The following LAX1 variants were observed in gnomAD, a reference collection of about 807,000 sequenced individuals.
LAX1 encodes lymphocyte transmembrane adapter 1.
Under a neutral mutation model 20.7 loss-of-function variants are expected in LAX1, and 17 were observed. That is an observed-to-expected ratio of 0.82 (90% CI 0.56 to 1.23). LAX1 has a LOEUF of 1.23. LAX1 is among the 50% of genes most tolerant of loss of function. The pLI, the probability that LAX1 is intolerant of heterozygous loss-of-function variation, is 0.00. For synonymous variants in LAX1, 165 were observed against 181.0 expected (o/e 0.91, Z 0.71); for missense variants, 470 against 487.0 (o/e 0.97, Z 0.33).
chr1:203,771,058 C>T (rs1428225979), intron 2 of LAX1, 121 bp downstream of exon 2: 9 of 800,736 alleles, frequency 1.1e-5, no homozygotes, highest in South Asian at 3.2e-5. Flanking sequence ...AGTTCTTACC[C>T]GATACATTGG....
rs1169898463 is a variant in LAX1, at chr1:203,771,449, C to A, written c.282C>A (p.Asp94Glu). ...GACAAAGAGCCAAAAATATTTATGACATCTTGCCTTGGCGACAGGAAGACC... is the reference window on the plus strand; with the variant it reads ...GACAAAGAGCCAAAAATATTTATGAAATCTTGCCTTGGCGACAGGAAGACC... ...QTRQRAKNIYDILPWRQEDLG... is the reference protein window; with the variant it reads ...QTRQRAKNIYEILPWRQEDLG... Residue 94 changes from aspartate to glutamate, a missense_variant, in exon 3 of 5, where the codon GAC (aspartate) becomes GAA (glutamate). Coordinates refer to ENST00000442561, the MANE Select transcript of LAX1 (RefSeq NM_017773.4). The A allele has an allele frequency of 1.2e-6, 2 of 1,612,440 alleles. No homozygotes were observed. Among genetic ancestry groups the A allele is most frequent in the Admixed American group, 3.3e-5 (2 of 59,998 alleles).
rs10714327 is a variant in LAX1, at chr1:203,773,756, CTTTTTTTTTTTTTTTTT to C, written c.391-107_391-91del. 7.5e-5 allele frequency: 15 copies of C among 200,670 alleles called. 2 individuals carry two copies. Among genetic ancestry groups the C allele is most frequent in the South Asian group, 3.1e-4 (9 of 29,268 alleles). 12.4% of individuals were successfully genotyped at this position (200,670 alleles called of 1,614,324 possible). A position where few individuals can be genotyped will look rare whatever the true frequency, so the allele number is the denominator to read the frequency against. ...TCATCACATTTGCACTGTTGCTCTTCTTTTTTTTTTTTTTTTTTTTTTTTTTTTCAGAATATGCCAGT... is the reference window on the plus strand; with the variant it reads ...TCATCACATTTGCACTGTTGCTCTTCTTTTTTTTTTTCAGAATATGCCAGT... On this transcript the variant is annotated intron_variant, in intron 4 of 4. Coordinates refer to ENST00000442561, the MANE Select transcript of LAX1 (RefSeq NM_017773.4).
At chr1:203,773,751 C>T in intron 4 of LAX1, 124 bp from the exon 5 acceptor site, 1 of 399,708 alleles carries the variant, frequency 2.5e-6, no homozygotes, top group Non-Finnish European at 4.1e-6. Context: ...TGCACTGTTG[C>T]TCTTCTTTTT....
Position 203,765,593 on chromosome 1 carries a change from ACAAT to A in LAX1, c.31_34del (p.Ile11GlufsTer12). 6.2e-7 allele frequency: 1 copy of A among 1,614,164 alleles called. No individual in the cohort carries two copies. The highest frequency in any genetic ancestry group is 8.5e-7 in the Non-Finnish European group (1 of 1,180,020). On this transcript the variant is annotated frameshift_variant, in exon 1 of 5. Transcript: ENST00000442561. LOFTEE classifies it high-confidence loss of function. Reference sequence around the variant, plus strand: ...GGATGGTGTCACTCCAACCCTTTCGACAATCAGAGGGAGGACCTTGGAGTCCAGC... The same window carrying A: ...GGATGGTGTCACTCCAACCCTTTCGACAGAGGGAGGACCTTGGAGTCCAGC...
chr1:203,770,510 G>GAAAGAAAGA (rs1317078482), intron 1 of LAX1, among the ~76,000 whole-genome samples: 2 of 16,926 alleles, frequency 1.2e-4, no homozygotes, highest in African/African-American at 4.1e-4. Context: ...AGGAAGGAAG[G>GAAAGAAAGA]AAGAAAGAAA....
rs369834682 is a variant in LAX1 at position 203,773,936 on chromosome 1, C to A, written c.452C>A (p.Ala151Glu). The stretch of plus-strand genomic sequence containing the variant: ...GCCCACATCCATGCCACAGAGTACG[C>A]GGTGGGTATCTATGACAACGCCATG... ...HTAHIHATEY[A>E]VGIYDNAMVP... is the part of the protein sequence containing the mutation. Residue 151 changes from alanine (A) to glutamate (E), a missense_variant, in exon 5 of 5, where the codon GCG (alanine) becomes GAG (glutamate). Transcript: ENST00000442561. 3.7e-6 allele frequency: 6 copies of A among 1,613,772 alleles called. No individual in the cohort carries two copies. Among genetic ancestry groups the A allele is most frequent in the Non-Finnish European group, 5.1e-6 (6 of 1,179,972 alleles).
At position 203,770,901 on chromosome 1, in the gene LAX1, T is replaced by C; in HGVS notation, c.163T>C (p.Phe55Leu). ...CGCCATCCTCCTGGTCGTTGCGGTT[T>C]TCTGCATCTTGTGGAATTGGAATAA... ...LLAILLVVAV[F>L]CILWNWNKRK... The change falls in exon 2 of 5, where the codon TTC becomes CTC. Residue 55 changes from phenylalanine to leucine, a missense_variant. By Grantham distance (22) the Phe-to-Leu change is conservative. Coordinates refer to ENST00000442561, the MANE Select transcript of LAX1 (RefSeq NM_017773.4). 1.2e-6 allele frequency: 2 copies of C among 1,614,236 alleles called. No individual in the cohort carries two copies. Among genetic ancestry groups the C allele is most frequent in the Non-Finnish European group, 1.7e-6 (2 of 1,180,020 alleles).
chr1:203,771,372 G>C lies in LAX1; in HGVS notation c.205G>C (p.Val69Leu). The C allele has an allele frequency of 6.2e-7, 1 of 1,610,004 alleles. No homozygotes were observed. Among genetic ancestry groups the C allele is most frequent in the Non-Finnish European group, 8.5e-7 (1 of 1,176,182 alleles). The change falls in exon 3 of 5, where the codon GTT (valine) becomes CTT (leucine). Residue 69 changes from valine to leucine, a missense_variant. Physicochemically the swap from Val to Leu is conservative, Grantham distance 32. Transcript: ENST00000442561. The stretch of plus-strand genomic sequence containing the variant: ...TCTCTCTCATTGCCTTGCAGGACAA[G>C]TTCCTTACCTCCGAGTTACCGTCAT... ...WNWNKRKKRQ[V>L]PYLRVTVMPL... is the part of the protein sequence containing the mutation.
intron 1 of LAX1, among the ~76,000 whole-genome samples, chr1:203,769,456 A>C (rs1233377455): frequency 1.9e-5 from 2 of 107,228 alleles, no homozygotes; most frequent in Non-Finnish European, 4.7e-5. Context: ...AAAGAAAGAA[A>C]AGAAAAGAAA....
chr1:203,768,378 G>T (rs1389336433), intron 1 of LAX1, among the ~76,000 whole-genome samples: 1 of 152,204 alleles, frequency 6.6e-6, no homozygotes, highest in Non-Finnish European at 1.5e-5. Context: ...CAAGGGGACT[G>T]CAAGTAATAG....
Position 203,769,953 on chromosome 1 carries a change from G to T in LAX1, c.90-875G>T, listed in dbSNP as rs1667376151. 2.0e-5 allele frequency among the ~76,000 whole-genome samples: 3 copies of T among 152,274 alleles called. No homozygotes were observed. In the South Asian group the frequency reaches 6.2e-4, roughly 32 times the overall value. The stretch of plus-strand genomic sequence containing the variant: ...TGACTTTGACTTTGCAGGTTTGGAG[G>T]ACAGTGTGGCAGAGTGGAAAGAGCA... On this transcript the variant is annotated intron_variant, in intron 1 of 4. Transcript: ENST00000442561.
rs1442961381 is a variant in LAX1 at position 203,774,122 on chromosome 1, C to G, written c.638C>G (p.Ser213Cys). Residue 213 changes from serine to cysteine, a missense_variant, in exon 5 of 5, where the codon TCC becomes TGC. Coordinates refer to ENST00000442561, the MANE Select transcript of LAX1 (RefSeq NM_017773.4). ...AETLASTKSP[S>C]RNLFVLPSTQ... ...ACTCTAGCTTCTACCAAAAGCCCTT[C>G]CAGAAATCTCTTTGTTCTTCCCAGT... The G allele has an allele frequency of 6.2e-7, 1 of 1,614,162 alleles. No individual in the cohort carries two copies. The highest frequency in any genetic ancestry group is 8.5e-7 in the Non-Finnish European group (1 of 1,180,036).
At chr1:203,769,014 G>A (rs1222917890) in intron 1 of LAX1, among the ~76,000 whole-genome samples, 1 of 152,142 alleles carries the variant, frequency 6.6e-6, no homozygotes, top group East Asian at 1.9e-4. Context: ...CACCTGGGGA[G>A]TAGCAGGTTT....
rs563206790 is a variant in LAX1 at position 203,767,561 on chromosome 1, G to A, written c.89+1907G>A. 7.9e-5 allele frequency among the ~76,000 whole-genome samples: 12 copies of A among 151,946 alleles called. No individual in the cohort carries two copies. In the East Asian group the frequency reaches 1.9e-3, roughly 25 times the overall value. ...TACCTCAGGTGATCCGCCCACCTCC[G>A]CCTCCCAAAGTGCTGGGATTACAGA... On this transcript the variant is annotated intron_variant, in intron 1 of 4. Transcript: ENST00000442561.
chr1:203,773,206 A>C (rs1667449737), intron 4 of LAX1, among the ~76,000 whole-genome samples: 1 of 152,148 alleles, frequency 6.6e-6, no homozygotes, highest in Non-Finnish European at 1.5e-5. Flanking sequence ...CTGATATAGA[A>C]AGTGTTTGAT....
chr1:203,770,510 GAAGA>G (rs1326354763), intron 1 of LAX1, among the ~76,000 whole-genome samples: 487 of 16,910 alleles, frequency 0.029, 20 homozygotes, highest in Middle Eastern at 0.06. Flanking sequence ...AGGAAGGAAG[GAAGA>G]AAGAAAGAAA....
Position 203,770,451 on chromosome 1 carries a change from G to A in LAX1, c.90-377G>A, listed in dbSNP as rs1242392205. Among the ~76,000 whole-genome samples the A allele has an allele frequency of 1.5e-4, 5 of 34,328 alleles. No homozygotes were observed. In the Admixed American group the frequency reaches 1.8e-3, roughly 12 times the overall value. The allele number at this position is 34,328 out of a possible 152,430, so 22.5% of individuals were successfully genotyped here. A position where few individuals can be genotyped will look rare whatever the true frequency, so the allele number is the denominator to read the frequency against. On this transcript the variant is annotated intron_variant, in intron 1 of 4. Transcript: ENST00000442561. ...AGAAAGAAAGAGAGAGAGAGAGAGA[G>A]AGAAAGGAAGGAAGGAAGGAAGGAA...
At chr1:203,768,191 G>A (rs561733814) in intron 1 of LAX1, among the ~76,000 whole-genome samples, 1 of 152,174 alleles carries the variant, frequency 6.6e-6, no homozygotes, top group East Asian at 1.9e-4. Flanking sequence ...CGTACCTGTA[G>A]TCCCAGCTAC....
Position 203,774,811 on chromosome 1 carries a change from C to T in LAX1, c.*130C>T, listed in dbSNP as rs569206573. Reference sequence around the variant, plus strand: ...ATTCACTGGTTAGATTAAAAAGAGGCTGAGATGAGCAGTGAACTAAGAGGC... The same window carrying T: ...ATTCACTGGTTAGATTAAAAAGAGGTTGAGATGAGCAGTGAACTAAGAGGC... On this transcript the variant is annotated 3_prime_UTR_variant, in exon 5 of 5. Coordinates refer to ENST00000442561, the MANE Select transcript of LAX1 (RefSeq NM_017773.4). 1.4e-6 allele frequency: 1 copy of T among 736,748 alleles called. No homozygotes were observed. The highest frequency in any genetic ancestry group is 1.9e-5 in the South Asian group (1 of 51,928). The allele number at this position is 736,748 out of a possible 1,614,324, so 45.6% of individuals were successfully genotyped here.
Sources: gnomAD v4.1 joint callset for allele counts (sites outside exome capture counted in the v4.1 genomes callset) on GRCh38, gnomAD v4.1.1 for gene constraint, MANE v1.5 for transcripts, NCBI Gene and HGNC (gene_info 2026-07-23, HGNC 2026-07-21) for gene names.